Variants in DOCK2 observed in about 807,000 individuals in gnomAD.
The protein encoded by DOCK2 is dedicator of cytokinesis 2.
Under a neutral mutation model 248.9 loss-of-function variants are expected in DOCK2, and 87 were observed. The observed-to-expected ratio is 0.35, with a 90% CI of 0.29 to 0.42. DOCK2 has a LOEUF of 0.42. Ranked by LOEUF, DOCK2 falls within the 10% of genes least tolerant of loss-of-function variation. The pLI is 1.00. For missense variants in DOCK2, 1,747 were observed against 2,300.2 expected, an observed-to-expected ratio of 0.76 and a Z score of 4.92; for synonymous variants, 805 against 821.6, an observed-to-expected ratio of 0.98 and a Z score of 0.35.
intron 30 of DOCK2, among the ~76,000 whole-genome samples, chr5:170,007,622 G>T (rs745848187): frequency 6.6e-6 from 1 of 152,100 alleles, no homozygotes; most frequent in Non-Finnish European, 1.5e-5. Context: ...AATATCTCTG[G>T]TTCTGTATCC....
intron 27 of DOCK2, among the ~76,000 whole-genome samples, chr5:169,849,953 C>T (rs1770534977): frequency 6.6e-6 from 1 of 152,232 alleles, no homozygotes; most frequent in African/African-American, 2.4e-5. Context: ...AAGATGTTTA[C>T]TGTCTACTTT....
intron 32 of DOCK2, among the ~76,000 whole-genome samples, chr5:170,016,658 C>A (rs1348671666): frequency 6.6e-6 from 1 of 152,208 alleles, no homozygotes; most frequent in Non-Finnish European, 1.5e-5. Context: ...TTATTTTAAA[C>A]CATCTAAAAT....
chr5:169,994,008 T>C (rs1433177875), intron 29 of DOCK2, among the ~76,000 whole-genome samples: 1 of 152,084 alleles, frequency 6.6e-6, no homozygotes, highest in African/African-American at 2.4e-5. Flanking sequence ...TTTCCTTTTT[T>C]CCCCCCACTC....
rs778542070 is a variant in DOCK2, at chr5:169,654,394, G to A, written c.44-9G>A. ...GTCTCACCTAGCTGTCTTTCTTTCTGTTTCACAGCCATATACAACTTCCAA... is the reference window on the plus strand; with the variant it reads ...GTCTCACCTAGCTGTCTTTCTTTCTATTTCACAGCCATATACAACTTCCAA... On this transcript the variant is annotated splice_polypyrimidine_tract_variant and intron_variant, in intron 1 of 51. Coordinates refer to ENST00000520908, the MANE Select transcript of DOCK2 (RefSeq NM_004946.3). The A allele has an allele frequency of 7.3e-5, 118 of 1,613,988 alleles. No homozygotes were observed. Among genetic ancestry groups the A allele is most frequent in the Non-Finnish European group, 9.6e-5 (113 of 1,179,998 alleles).
chr5:169,864,347 G>A (rs1456976309), intron 27 of DOCK2: 1 of 1,551,566 alleles, frequency 6.4e-7, no homozygotes, highest in Non-Finnish European at 8.7e-7. Flanking sequence ...GGGGCTGGGG[G>A]TTCTGCTGGG....
chr5:169,894,565 G>A (rs1025722819), intron 27 of DOCK2, among the ~76,000 whole-genome samples: 3 of 150,284 alleles, frequency 2.0e-5, no homozygotes, highest in Admixed American at 6.6e-5. Flanking sequence ...GGAAGAGAAG[G>A]GGGGAAGTTT....
intron 6 of DOCK2, among the ~76,000 whole-genome samples, chr5:169,680,209 C>T (rs1026795949): frequency 3.9e-5 from 6 of 152,230 alleles, no homozygotes; most frequent in African/African-American, 1.4e-4. Flanking sequence ...CTCATATCCT[C>T]AGTCTTTTCT....
chr5:169,667,904 T>A (rs991157728), intron 2 of DOCK2, among the ~76,000 whole-genome samples: 4 of 152,260 alleles, frequency 2.6e-5, no homozygotes, highest in Admixed American at 6.5e-5. Context: ...AAGTAGAACA[T>A]CTTCCATCAC....
chr5:169,985,905 G>C lies in DOCK2; in HGVS notation c.2976G>C (p.Met992Ile). 6.2e-7 allele frequency: 1 copy of C among 1,610,778 alleles called. No homozygotes were observed. Among genetic ancestry groups the C allele is most frequent in the Non-Finnish European group, 8.5e-7 (1 of 1,177,974 alleles). ...TGTACCCTGGAGACTGGATGGCCAT[G>C]AGCATGGTTCAAAACAGGTGAGCTG... ...KNVYPGDWMA[M>I]SMVQNRVFLR... Residue 992 changes from methionine (M) to isoleucine (I), a missense_variant, in exon 29 of 52, where the codon ATG becomes ATC. Met to Ile is a conservative substitution (Grantham distance 10, BLOSUM62 1). This residue lies in a region of DOCK2 where 858 missense variants were observed against 1,183.5 expected (regional missense o/e 0.72). Coordinates refer to ENST00000520908, the MANE Select transcript of DOCK2 (RefSeq NM_004946.3).
intron 32 of DOCK2, among the ~76,000 whole-genome samples, chr5:170,018,237 G>A (rs1427239818): frequency 6.6e-6 from 1 of 152,216 alleles, no homozygotes; most frequent in Non-Finnish European, 1.5e-5. Context: ...CCCATCTGGG[G>A]GAGGCTGCGT....
At chr5:170,038,367 A>T (rs1391085537) in intron 36 of DOCK2, among the ~76,000 whole-genome samples, 1 of 152,248 alleles carries the variant, frequency 6.6e-6, no homozygotes, top group Non-Finnish European at 1.5e-5. Context: ...AGAAAACCAT[A>T]TTTATCTAAA....
chr5:169,989,446 A>C (rs1272551170), intron 29 of DOCK2, among the ~76,000 whole-genome samples: 1 of 152,214 alleles, frequency 6.6e-6, no homozygotes, highest in African/African-American at 2.4e-5. Flanking sequence ...AGTTACCCTA[A>C]ATGCAGCCAA....
At chr5:169,852,667 GC>G (rs1367427826) in intron 27 of DOCK2, among the ~76,000 whole-genome samples, 1 of 152,188 alleles carries the variant, frequency 6.6e-6, no homozygotes, top group Non-Finnish European at 1.5e-5. Flanking sequence ...CACATAGTAG[GC>G]CCTTGGTTAA....
rs1157305104 is a variant in DOCK2 at position 169,799,888 on chromosome 5, G to A, written c.2555-3170G>A. 3.3e-5 allele frequency among the ~76,000 whole-genome samples: 5 copies of A among 151,990 alleles called. No individual in the cohort carries two copies. The South Asian group carries it at 1.0e-3, about 32-fold the overall frequency. On this transcript the variant is annotated intron_variant, in intron 25 of 51. Transcript: ENST00000520908. ...AGCGGTGTGATCATGGCTAACTGCA[G>A]CCTTTACTTCCTGGGCTCTGATCTT...
chr5:169,923,520 A>G (rs1775286699), intron 27 of DOCK2, among the ~76,000 whole-genome samples: 1 of 151,726 alleles, frequency 6.6e-6, no homozygotes, highest in Admixed American at 6.6e-5. Flanking sequence ...CACTCTTTGC[A>G]GGGGAATTTT....
At chr5:169,640,030 T>G (rs1757065509) in intron 1 of DOCK2, among the ~76,000 whole-genome samples, 2 of 152,244 alleles carry the variant, frequency 1.3e-5, no homozygotes, top group Non-Finnish European at 2.9e-5. Flanking sequence ...CTTCATTGCT[T>G]TCTGTGCAGG....
chr5:169,730,256 C>T (rs1033937108), intron 22 of DOCK2, among the ~76,000 whole-genome samples: 1 of 152,196 alleles, frequency 6.6e-6, no homozygotes, highest in African/African-American at 2.4e-5. Flanking sequence ...TGCTCCTGGC[C>T]CTGTAAACTG....
At chr5:169,974,394 T>C (rs1777638869) in intron 27 of DOCK2, among the ~76,000 whole-genome samples, 1 of 152,238 alleles carries the variant, frequency 6.6e-6, no homozygotes, top group African/African-American at 2.4e-5. Flanking sequence ...TTTCTTCCTT[T>C]GTTATGGCCC....
chr5:169,644,910 C>T (rs569632004), intron 1 of DOCK2, among the ~76,000 whole-genome samples: 2 of 152,208 alleles, frequency 1.3e-5, no homozygotes, highest in East Asian at 3.9e-4. Context: ...TTTTCTGTTC[C>T]TGTGTTAGTT....
Sources: allele counts gnomAD v4.1 joint callset (sites outside exome capture counted in the v4.1 genomes callset), GRCh38; gene constraint gnomAD v4.1.1; regional missense constraint gnomAD v4.1.1; transcripts MANE v1.5; gene names NCBI Gene and HGNC (gene_info 2026-07-23, HGNC 2026-07-21).